Variants in CHD5 observed in about 807,000 individuals in gnomAD.
CHD5 encodes ATP-dependent chromatin remodeler CHD5.
In CHD5, 69 loss-of-function variants were observed where a neutral mutation model predicts 230.3. The ratio of observed to expected loss-of-function variants is 0.30; its 90% confidence interval spans 0.25 to 0.37. CHD5 has a LOEUF of 0.37. CHD5 is among the 10% of genes least tolerant of loss of function. The pLI is 1.00. For synonymous variants in CHD5, 1,064 were observed against 1,065.9 expected, an observed-to-expected ratio of 1.00 and a Z score of 0.03; for missense variants, 1,827 against 2,622.8, an observed-to-expected ratio of 0.70 and a Z score of 6.63.
chr1:6,146,689 A>G lies in CHD5; in HGVS notation c.1566T>C (p.His522=), dbSNP rs61740827. The change falls in exon 10 of 42, where the codon CAT becomes CAC. Residue 522 remains histidine, a synonymous_variant. Transcript: ENST00000262450. This position sits in a 1 kb window ranked among gnomAD's most constrained non-coding sequence, Gnocchi z 5.1. The part of the protein sequence containing the change: ...FVKWAGLSYW[H]CSWVKELQLE... ...CCTGTAGCTCCTTCACCCAGGAGCA[A>G]TGCCAGTAGGACAGCCCTGCCCACT... The G allele has an allele frequency of 6.5e-3, 10,491 of 1,613,920 alleles. 578 individuals carry two copies. The African/African-American group carries it at 0.12, about 19-fold the overall frequency.
intron 1 of CHD5, among the ~76,000 whole-genome samples, chr1:6,179,234 C>T (rs1015406991): frequency 5.3e-5 from 8 of 152,222 alleles, no homozygotes; most frequent in African/African-American, 1.9e-4. Flanking sequence ...GGAACGGCCA[C>T]CACCCTGGGC....
chr1:6,112,295 C>T lies in CHD5; in HGVS notation c.5003-18G>A, dbSNP rs778150911. 1.2e-6 allele frequency: 2 copies of T among 1,609,968 alleles called. No homozygotes were observed. On this transcript the variant is annotated intron_variant, in intron 34 of 41. Transcript: ENST00000262450. ...GGTGTCATCTGCCGGGGACAGATCA[C>T]ATTCATTCATCCATCCATCCAAAAA...
chr1:6,134,329 C>T lies in CHD5; in HGVS notation c.3013-70G>A. 6.4e-7 allele frequency: 1 copy of T among 1,563,652 alleles called. No homozygotes were observed. Among genetic ancestry groups the T allele is most frequent in the Non-Finnish European group, 8.7e-7 (1 of 1,149,172 alleles). On this transcript the variant is annotated intron_variant, in intron 19 of 41. Transcript: ENST00000262450. The surrounding 1 kb of genome is among the most constrained non-coding windows in gnomAD (Gnocchi z 6.3). ...CTCTCTGACTCTGCACCAAAGGGGC[C>T]GCAGGGAACAGACAAGTGCTGAGCA...
At chr1:6,107,121 G>A (rs1317559849) in intron 38 of CHD5, among the ~76,000 whole-genome samples, 7 of 145,812 alleles carry the variant, frequency 4.8e-5, no homozygotes, top group East Asian at 2.2e-4. Flanking sequence ...AGGACGGAGG[G>A]ATGGAGGGAT....
At chr1:6,141,830 C>T (rs1252301292) in intron 15 of CHD5, among the ~76,000 whole-genome samples, 2 of 152,166 alleles carry the variant, frequency 1.3e-5, no homozygotes, top group African/African-American at 4.8e-5. Context: ...AGGGTTCTCC[C>T]CTAGGGCTTT....
chr1:6,141,208 G>A (rs144864739), intron 15 of CHD5, among the ~76,000 whole-genome samples: 15 of 151,326 alleles, frequency 9.9e-5, no homozygotes, highest in South Asian at 6.2e-4. Context: ...TGCTTGAACC[G>A]GGAGGCAGAG....
At position 6,154,688 on chromosome 1, in the gene CHD5, G is replaced by C; in HGVS notation, c.717C>G (p.Ile239Met). ...SPPQVPQPVP[I>M]RKAKTKEGKG... ...TGCCCTCCTTGGTCTTGGCCTTGCG[G>C]ATAGGCACAGGCTGGGGCACCTGCG... Residue 239 changes from isoleucine (I) to methionine (M), a missense_variant, in exon 5 of 42, where the codon ATC becomes ATG. Around this residue, in one of 14 missense-constraint regions of CHD5, gnomAD observed 657 missense variants for 816.4 expected, o/e 0.80. Coordinates refer to ENST00000262450, the MANE Select transcript of CHD5 (RefSeq NM_015557.3). The surrounding 1 kb of genome is among the most constrained non-coding windows in gnomAD (Gnocchi z 7.0). 6.3e-7 allele frequency: 1 copy of C among 1,587,410 alleles called. No homozygotes were observed. The highest frequency in any genetic ancestry group is 1.1e-5 in the South Asian group (1 of 87,582).
intron 34 of CHD5, 117 bp downstream of exon 34, chr1:6,112,792 A>G (rs1167557050): frequency 5.5e-6 from 4 of 724,232 alleles, no homozygotes; most frequent in Non-Finnish European, 9.3e-6. Flanking sequence ...GCCAGCTCCA[A>G]TCAGGCCTGG....
intron 5 of CHD5, among the ~76,000 whole-genome samples, chr1:6,153,330 CAG>C (rs977729613): frequency 6.6e-6 from 1 of 152,242 alleles, no homozygotes; most frequent in African/African-American, 2.4e-5. Context: ...GCTGGGCAGA[CAG>C]GGGCGGGCCA....
rs527562697 is a variant in CHD5, at chr1:6,146,843, C to T, written c.1412G>A (p.Arg471Gln). Reference sequence around the variant, plus strand: ...CTCCGTCCACCTCCAGTGTAGAATCCGCTGGACTTTGCCCTTCAGTGGGGG... The same window carrying T: ...CTCCGTCCACCTCCAGTGTAGAATCTGCTGGACTTTGCCCTTCAGTGGGGG... ...TCPPLKGKVQ[R>Q]ILHWRWTEPP... The change falls in exon 10 of 42, where the codon CGG (arginine) becomes CAG (glutamine). Residue 471 changes from arginine (R) to glutamine (Q), a missense_variant. Around this residue, in one of 14 missense-constraint regions of CHD5, gnomAD observed 657 missense variants for 816.4 expected, o/e 0.80. Coordinates refer to ENST00000262450, the MANE Select transcript of CHD5 (RefSeq NM_015557.3). The surrounding 1 kb of genome is among the most constrained non-coding windows in gnomAD (Gnocchi z 5.1). The T allele has an allele frequency of 1.4e-5, 21 of 1,537,272 alleles. No individual in the cohort carries two copies. Among genetic ancestry groups the T allele is most frequent in the African/African-American group, 2.7e-5 (2 of 73,278 alleles).
chr1:6,124,156 G>A, intron 30 of CHD5, 49 bp from the exon 31 acceptor site: 3 of 1,561,640 alleles, frequency 1.9e-6, no homozygotes, highest in Non-Finnish European at 2.6e-6. Context: ...GGGCAGTGGT[G>A]GCAACTCAGC....
chr1:6,119,368 G>A (rs1002392789), intron 33 of CHD5, among the ~76,000 whole-genome samples: 4 of 152,148 alleles, frequency 2.6e-5, no homozygotes, highest in Non-Finnish European at 5.9e-5. Context: ...AAAGTGCTGG[G>A]ATTACTGGCA....
chr1:6,111,910 G>T (rs370902505), intron 35 of CHD5, 27 bp from the exon 36 acceptor site: 1 of 1,598,538 alleles, frequency 6.3e-7, no homozygotes, highest in Non-Finnish European at 8.6e-7. Flanking sequence ...GGTGAGCAGG[G>T]TGAGAAGTGC....
intron 11 of CHD5, among the ~76,000 whole-genome samples, chr1:6,145,164 C>A (rs1666891602): frequency 6.6e-6 from 1 of 152,154 alleles, no homozygotes; most frequent in South Asian, 2.1e-4. Context: ...ATTCCGCGAC[C>A]CTCGTACTGA....
Position 6,101,840 on chromosome 1 carries a change from C to T in CHD5, c.*3634G>A. 1.9e-5 allele frequency: 4 copies of T among 216,172 alleles called. No homozygotes were observed. Among genetic ancestry groups the T allele is most frequent in the South Asian group, 1.3e-4 (3 of 22,884 alleles). 13.4% of individuals were successfully genotyped at this position (216,172 alleles called of 1,614,324 possible). A position where few individuals can be genotyped will look rare whatever the true frequency, so the allele number is the denominator to read the frequency against. ...AACACAGAAAACCAAAACATACACACAGAGTACAAAGTAAAGGTGATTGTG... is the reference window on the plus strand; with the variant it reads ...AACACAGAAAACCAAAACATACACATAGAGTACAAAGTAAAGGTGATTGTG... On this transcript the variant is annotated 3_prime_UTR_variant, in exon 42 of 42. Coordinates refer to ENST00000262450, the MANE Select transcript of CHD5 (RefSeq NM_015557.3).
chr1:6,112,082 C>T, intron 35 of CHD5, 58 bp downstream of exon 35: 1 of 1,586,036 alleles, frequency 6.3e-7, no homozygotes, highest in Non-Finnish European at 8.6e-7. Context: ...CTGGTCTAGA[C>T]TCCTGGGACC....
At position 6,142,141 on chromosome 1, in the gene CHD5, A is replaced by G; in HGVS notation, c.2423T>C (p.Val808Ala). 8.7e-6 allele frequency: 14 copies of G among 1,613,898 alleles called. No individual in the cohort carries two copies. The highest frequency in any genetic ancestry group is 1.1e-5 in the Non-Finnish European group (13 of 1,179,884). ...GCGAGCCCTCACCTTCATACGGAAT[A>G]CCTTCTTCCCACTCCGAATGGCGTT... ...EDNAIRSGKK[V>A]FRMKKEVQIK... The change falls in exon 15 of 42, where the codon GTA becomes GCA. Residue 808 changes from valine (V) to alanine (A), a missense_variant. By Grantham distance (64) the Val-to-Ala change is moderately conservative. Coordinates refer to ENST00000262450, the MANE Select transcript of CHD5 (RefSeq NM_015557.3). The surrounding 1 kb of genome is among the most constrained non-coding windows in gnomAD (Gnocchi z 5.2).
chr1:6,137,453 C>G (rs113080739), intron 15 of CHD5, among the ~76,000 whole-genome samples: 1 of 152,160 alleles, frequency 6.6e-6, no homozygotes, highest in Non-Finnish European at 1.5e-5. Flanking sequence ...CTCATCCTAA[C>G]AAAACATACA....
At chr1:6,145,741 T>C (rs1666899025) in intron 11 of CHD5, among the ~76,000 whole-genome samples, 1 of 152,210 alleles carries the variant, frequency 6.6e-6, no homozygotes, top group Admixed American at 6.5e-5. Flanking sequence ...CCCGTGGCTG[T>C]GTGATTCTGG....
Sources: allele counts gnomAD v4.1 joint callset (sites outside exome capture counted in the v4.1 genomes callset), GRCh38; gene constraint gnomAD v4.1.1; regional missense constraint gnomAD v4.1.1; non-coding constraint Gnocchi (gnomAD v3.1); transcripts MANE v1.5; gene names NCBI Gene and HGNC (gene_info 2026-07-23, HGNC 2026-07-21).